KANK1: variants seen among roughly 807,000 people sequenced by gnomAD.
KANK1 encodes the protein KN motif and ankyrin repeat domain-containing protein 1.
In KANK1, 109 loss-of-function variants were observed where a neutral mutation model predicts 106.2. The ratio of observed to expected loss-of-function variants is 1.03; its 90% CI spans 0.88 to 1.20. The LOEUF (loss-of-function observed/expected upper bound fraction) is 1.20. Among genes scored for constraint, KANK1 ranks in the 50% most tolerant of loss-of-function variants. The pLI is 0.00. For synonymous variants in KANK1, 873 were observed against 652.2 expected (o/e 1.34, Z -5.16); for missense variants, 2,399 against 1,710.7 (o/e 1.40, Z -7.10).
At chr9:575,795 G>C (rs1820394477) in intron 1 of KANK1, among the ~76,000 whole-genome samples, 1 of 152,242 alleles carries the variant, frequency 6.6e-6, no homozygotes, top group Admixed American at 6.5e-5. Flanking sequence ...GCCAAGGCGG[G>C]CCCGATCACT....
intron 1 of KANK1, among the ~76,000 whole-genome samples, chr9:644,739 G>A (rs1211745829): frequency 6.6e-6 from 1 of 150,834 alleles, no homozygotes. Flanking sequence ...AGACTTGATG[G>A]GGACACAGAT....
chr9:595,336 C>G (rs1417155778), intron 1 of KANK1, among the ~76,000 whole-genome samples: 2 of 151,718 alleles, frequency 1.3e-5, no homozygotes, highest in African/African-American at 2.4e-5. Flanking sequence ...GAAAAGTGCT[C>G]TTTCTGGTGT....
At chr9:725,496 CAAAA>C (rs34245303) in intron 3 of KANK1, among the ~76,000 whole-genome samples, 2 of 116,850 alleles carry the variant, frequency 1.7e-5, no homozygotes, top group African/African-American at 3.5e-5. Context: ...GACTCTGTCT[CAAAA>C]AAAAAAAAAA....
At chr9:509,568 A>G (rs1436163629) in intron 1 of KANK1, among the ~76,000 whole-genome samples, 2 of 152,198 alleles carry the variant, frequency 1.3e-5, no homozygotes, top group Non-Finnish European at 2.9e-5. Context: ...TAATCCCTGC[A>G]TATGCCTAAG....
chr9:696,014 C>T (rs1429754929), intron 2 of KANK1, among the ~76,000 whole-genome samples: 1 of 152,156 alleles, frequency 6.6e-6, no homozygotes, highest in East Asian at 1.9e-4. Flanking sequence ...GCTTGAGGGC[C>T]AGGCGCGGTG....
At chr9:719,340 C>G (rs1407689238) in intron 3 of KANK1, among the ~76,000 whole-genome samples, 1 of 152,062 alleles carries the variant, frequency 6.6e-6, no homozygotes, top group African/African-American at 2.4e-5. Flanking sequence ...GGGAAAGTAA[C>G]CTAAATATTT....
At chr9:614,154 C>T (rs1180745295) in intron 1 of KANK1, among the ~76,000 whole-genome samples, 1 of 152,068 alleles carries the variant, frequency 6.6e-6, no homozygotes, top group Non-Finnish European at 1.5e-5. Context: ...ACTTTCAGTC[C>T]GGGGCAGGAG....
At position 711,893 on chromosome 9, in the gene KANK1, C is replaced by G. The variant is rs1422407325; in HGVS notation, c.1127C>G (p.Ala376Gly). The G allele has an allele frequency of 2.5e-6, 4 of 1,614,146 alleles. No homozygotes were observed. Among genetic ancestry groups the G allele is most frequent in the African/African-American group, 2.7e-5 (2 of 75,034 alleles). ...CGGCAACTTACAGCAGACATGCAAGCCCTGGAGCAGAAGATCCAGGACAGC... is the reference window on the plus strand; with the variant it reads ...CGGCAACTTACAGCAGACATGCAAGGCCTGGAGCAGAAGATCCAGGACAGC... ...EFRQLTADMQALEQKIQDSSC... is the reference protein window; with the variant it reads ...EFRQLTADMQGLEQKIQDSSC... Residue 376 changes from alanine (A) to glycine (G), a missense_variant, in exon 3 of 12, where the codon GCC (alanine) becomes GGC (glycine). By Grantham distance (60) the Ala-to-Gly change is moderately conservative. Transcript: ENST00000382297.
intron 1 of KANK1, among the ~76,000 whole-genome samples, chr9:629,758 A>G (rs1041964625): frequency 1.3e-5 from 2 of 152,196 alleles, no homozygotes; most frequent in South Asian, 2.1e-4. Flanking sequence ...TGTAGAGAGA[A>G]TTGGCATAAC....
intron 1 of KANK1, among the ~76,000 whole-genome samples, chr9:572,552 A>C (rs1195237720): frequency 4.0e-5 from 6 of 148,254 alleles, no homozygotes; most frequent in Non-Finnish European, 3.0e-5. Flanking sequence ...ACTCCATCTC[A>C]AAAAAAAAAA....
intron 1 of KANK1, among the ~76,000 whole-genome samples, chr9:617,743 C>T (rs1832185223): frequency 6.6e-6 from 1 of 152,242 alleles, no homozygotes. Context: ...TTCCGATCAG[C>T]AGGCCAGTTT....
rs1042816642 is a variant in KANK1, at chr9:743,222, A to G, written c.3897+817A>G. On this transcript the variant is annotated intron_variant, in intron 10 of 11. Coordinates refer to ENST00000382297, the MANE Select transcript of KANK1 (RefSeq NM_015158.5). ...GAGCTTCTTTAGCTCAAAACACCAA[A>G]AAGTTAGGAAAATATCCTTTGTAGG... is the stretch of plus-strand genomic sequence containing the variant. 2.5e-4 allele frequency among the ~76,000 whole-genome samples: 38 copies of G among 152,210 alleles called. 1 individual carries two copies. Among genetic ancestry groups the G allele is most frequent in the Admixed American group, 2.3e-3 (35 of 15,286 alleles).
At chr9:563,937 C>T (rs1360308961) in intron 1 of KANK1, among the ~76,000 whole-genome samples, 3 of 152,064 alleles carry the variant, frequency 2.0e-5, no homozygotes, top group Non-Finnish European at 2.9e-5. Flanking sequence ...TTTTTTCTTT[C>T]TTCCCTGTAA....
chr9:655,151 C>T (rs1394349408), intron 1 of KANK1, among the ~76,000 whole-genome samples: 1 of 152,100 alleles, frequency 6.6e-6, no homozygotes, highest in Non-Finnish European at 1.5e-5. Flanking sequence ...GAGTGGATCA[C>T]CTGCGGTCAG....
chr9:530,498 C>T (rs1019875771), intron 1 of KANK1, among the ~76,000 whole-genome samples: 3 of 152,136 alleles, frequency 2.0e-5, no homozygotes, highest in African/African-American at 7.2e-5. Context: ...ATCCCCCATG[C>T]CTATGTGTCT....
In KANK1 at chr9:712,697, A is replaced by G; in HGVS notation, c.1931A>G (p.Glu644Gly). 6.2e-7 allele frequency: 1 copy of G among 1,614,024 alleles called. No individual in the cohort carries two copies. The highest frequency in any genetic ancestry group is 8.5e-7 in the Non-Finnish European group (1 of 1,179,986). Residue 644 changes from glutamate to glycine, a missense_variant, in exon 3 of 12, where the codon GAG (glutamate) becomes GGG (glycine). Coordinates refer to ENST00000382297, the MANE Select transcript of KANK1 (RefSeq NM_015158.5). ...SVDVTVCSPK[E>G]CASRGVNTEA... Reference sequence around the variant, plus strand: ...GACGTGACCGTCTGCTCTCCAAAGGAGTGCGCCTCCCGGGGCGTGAACACT... The same window carrying G: ...GACGTGACCGTCTGCTCTCCAAAGGGGTGCGCCTCCCGGGGCGTGAACACT...
chr9:473,798 C>T (rs1257981501), intron 3 of KANK1, among the ~76,000 whole-genome samples: 2 of 151,890 alleles, frequency 1.3e-5, no homozygotes, highest in East Asian at 3.9e-4. Context: ...CTCCATGGTT[C>T]AAGTGATTCT....
chr9:629,729 A>T (rs564396916), intron 1 of KANK1, among the ~76,000 whole-genome samples: 4 of 152,216 alleles, frequency 2.6e-5, no homozygotes, highest in Non-Finnish European at 5.9e-5. Context: ...TGTTGGAGAT[A>T]TAACACCTTG....
intron 1 of KANK1, among the ~76,000 whole-genome samples, chr9:548,532 A>G (rs1293607509): frequency 6.6e-6 from 1 of 152,218 alleles, no homozygotes; most frequent in African/African-American, 2.4e-5. Context: ...AAGAAAAGAA[A>G]GCAGACATTT....
Sources: allele counts gnomAD v4.1 joint callset (sites outside exome capture counted in the v4.1 genomes callset), GRCh38; gene constraint gnomAD v4.1.1; transcripts MANE v1.5; gene names NCBI Gene and HGNC (gene_info 2026-07-23, HGNC 2026-07-21).